COL23A1: variants seen among roughly 807,000 people sequenced by gnomAD.
COL23A1 encodes the protein collagen type XXIII alpha 1 chain, also known as collagen alpha-1(XXIII) chain.
Under a neutral mutation model 99.3 loss-of-function variants are expected in COL23A1, and 97 were observed. That is an observed-to-expected ratio of 0.98 (90% CI 0.83 to 1.16). The LOEUF (loss-of-function observed/expected upper bound fraction) is 1.16, where lower values mean the gene tolerates loss of function less well. Among genes scored for constraint, COL23A1 ranks in the 50% most tolerant of loss-of-function variants. The pLI, the probability that COL23A1 is intolerant of heterozygous loss-of-function variation, is 0.00. For synonymous variants in COL23A1, 320 were observed against 308.2 expected, an observed-to-expected ratio of 1.04 and a Z score of -0.40; for missense variants, 762 against 757.4, an observed-to-expected ratio of 1.01 and a Z score of -0.07.
intron 2 of COL23A1, among the ~76,000 whole-genome samples, chr5:178,334,075 T>C (rs1760187642): frequency 6.6e-6 from 1 of 152,144 alleles, no homozygotes; most frequent in Admixed American, 6.5e-5. Context: ...CCCCATGCCC[T>C]GGGGATGTCC....
intron 2 of COL23A1, among the ~76,000 whole-genome samples, chr5:178,440,327 C>A (rs1028650747): frequency 7.9e-5 from 12 of 152,284 alleles, no homozygotes; most frequent in African/African-American, 2.9e-4. Context: ...CTCATGACCC[C>A]CTCTGGAATT....
At chr5:178,417,101 C>CTGTCAGCAG (rs1481206257) in intron 2 of COL23A1, among the ~76,000 whole-genome samples, 1 of 152,236 alleles carries the variant, frequency 6.6e-6, no homozygotes, top group Non-Finnish European at 1.5e-5. Flanking sequence ...TCACTCAGCA[C>CTGTCAGCAG]TGTCAGCAGT....
chr5:178,506,423 G>A (rs890528047), intron 2 of COL23A1, among the ~76,000 whole-genome samples: 1 of 152,142 alleles, frequency 6.6e-6, no homozygotes, highest in African/African-American at 2.4e-5. Context: ...TGGCTTCAGG[G>A]GCAGCAGAAG....
chr5:178,588,478 C>T (rs865904349), intron 1 of COL23A1, among the ~76,000 whole-genome samples: 1 of 152,168 alleles, frequency 6.6e-6, no homozygotes. Flanking sequence ...CTTTACTGGC[C>T]CTCTATAAAT....
intron 2 of COL23A1, among the ~76,000 whole-genome samples, chr5:178,449,745 C>G (rs1454946025): frequency 6.6e-6 from 1 of 151,898 alleles, no homozygotes; most frequent in Non-Finnish European, 1.5e-5. Flanking sequence ...GTTGTCTGGT[C>G]TCGTATGTTT....
At chr5:178,447,671 A>G (rs1007081325) in intron 2 of COL23A1, among the ~76,000 whole-genome samples, 3 of 152,174 alleles carry the variant, frequency 2.0e-5, no homozygotes, top group African/African-American at 7.2e-5. Flanking sequence ...ACAATGACAA[A>G]ATTGCCTACT....
chr5:178,390,767 T>C (rs963577557), intron 2 of COL23A1, among the ~76,000 whole-genome samples: 2 of 152,216 alleles, frequency 1.3e-5, no homozygotes, highest in African/African-American at 4.8e-5. Flanking sequence ...CCTCACACCA[T>C]ATGTAGAAAT....
intron 2 of COL23A1, among the ~76,000 whole-genome samples, chr5:178,358,173 ATG>A (rs949296405): frequency 4.4e-5 from 6 of 136,484 alleles, no homozygotes; most frequent in Non-Finnish European, 9.3e-5. Flanking sequence ...TCTAATGTGT[ATG>A]TGTATGTATG....
intron 17 of COL23A1, 71 bp downstream of exon 17, chr5:178,252,473 G>T: frequency 1.4e-6 from 2 of 1,430,240 alleles, no homozygotes; most frequent in Non-Finnish European, 1.9e-6. Context: ...GGGTCACAGA[G>T]CAGACAGGAA....
intron 2 of COL23A1, among the ~76,000 whole-genome samples, chr5:178,531,532 C>T (rs545368174): frequency 6.6e-6 from 1 of 152,284 alleles, no homozygotes; most frequent in Middle Eastern, 3.4e-3. Flanking sequence ...GATACACCAG[C>T]CCCGGACTTT....
intron 2 of COL23A1, among the ~76,000 whole-genome samples, chr5:178,412,601 C>A (rs1275956303): frequency 6.6e-6 from 1 of 152,132 alleles, no homozygotes; most frequent in Non-Finnish European, 1.5e-5. Flanking sequence ...TTACAGAGAT[C>A]ATATTTTTGC....
At chr5:178,440,450 CA>C (rs957998537) in intron 2 of COL23A1, among the ~76,000 whole-genome samples, 1 of 152,234 alleles carries the variant, frequency 6.6e-6, no homozygotes, top group East Asian at 1.9e-4. Context: ...TAATGCTTAG[CA>C]AAAATCAATC....
chr5:178,513,288 C>T (rs930783550), intron 2 of COL23A1, among the ~76,000 whole-genome samples: 2 of 152,212 alleles, frequency 1.3e-5, no homozygotes, highest in African/African-American at 4.8e-5. Flanking sequence ...AACTCACTTA[C>T]ATCCCCCCTG....
intron 2 of COL23A1, among the ~76,000 whole-genome samples, chr5:178,488,426 C>T (rs1258515054): frequency 1.3e-5 from 2 of 152,130 alleles, no homozygotes; most frequent in African/African-American, 4.8e-5. Flanking sequence ...GACCTCCTCT[C>T]CCTTTGTGGC....
At chr5:178,271,016 A>G (rs1255172529) in intron 5 of COL23A1, among the ~76,000 whole-genome samples, 1 of 152,202 alleles carries the variant, frequency 6.6e-6, no homozygotes, top group Non-Finnish European at 1.5e-5. Context: ...GCCTTTGCAG[A>G]CAACAGTAAA....
chr5:178,298,060 T>C (rs968725345), intron 3 of COL23A1, among the ~76,000 whole-genome samples: 16 of 152,224 alleles, frequency 1.1e-4, no homozygotes, highest in African/African-American at 3.9e-4. Flanking sequence ...GGTCCAGCCC[T>C]TCTGCGCACG....
intron 17 of COL23A1, among the ~76,000 whole-genome samples, chr5:178,250,408 T>C (rs1400681748): frequency 6.6e-6 from 1 of 152,222 alleles, no homozygotes; most frequent in African/African-American, 2.4e-5. Flanking sequence ...CTGCCTGACT[T>C]CAAAGTTGTT....
rs1242965872 is a variant in COL23A1 at position 178,589,195 on chromosome 5, G to A, written c.294+709C>T. Among the ~76,000 whole-genome samples the A allele has an allele frequency of 2.6e-5, 4 of 152,164 alleles. No homozygotes were observed. Among genetic ancestry groups the A allele is most frequent in the African/African-American group, 7.2e-5 (3 of 41,430 alleles). ...AGCTTTCAAGTAAGCTGTGGAAGTCGCGATTCCCAGGTAAGGGACGGGAAA... is the reference window on the plus strand; with the variant it reads ...AGCTTTCAAGTAAGCTGTGGAAGTCACGATTCCCAGGTAAGGGACGGGAAA... On this transcript the variant is annotated intron_variant, in intron 1 of 28. Coordinates refer to ENST00000390654, the MANE Select transcript of COL23A1 (RefSeq NM_173465.4). The surrounding 1 kb of genome is among the most constrained non-coding windows in gnomAD (Gnocchi z 5.4).
intron 4 of COL23A1, 116 bp from the exon 5 acceptor site, chr5:178,288,466 T>G: frequency 3.4e-6 from 3 of 885,066 alleles, no homozygotes; most frequent in Non-Finnish European, 5.8e-6. Context: ...GGTTGGTGAC[T>G]TCCTCTGCAG....
Sources: gnomAD v4.1 joint callset for allele counts (sites outside exome capture counted in the v4.1 genomes callset) on GRCh38, gnomAD v4.1.1 for gene constraint, Gnocchi (gnomAD v3.1) non-coding constraint, MANE v1.5 for transcripts, NCBI Gene and HGNC (gene_info 2026-07-23, HGNC 2026-07-21) for gene names.